AKAP10: variants seen among roughly 807,000 people sequenced by gnomAD.
The protein encoded by AKAP10 is A-kinase anchoring protein 10.
Under a neutral mutation model 80.8 loss-of-function variants are expected in AKAP10, and 24 were observed. That is an observed-to-expected ratio of 0.30 (90% CI 0.22 to 0.42). The LOEUF is 0.42. AKAP10 is among the 10% of genes least tolerant of loss of function. AKAP10 has a pLI of 1.00. For synonymous variants in AKAP10, 291 were observed against 277.7 expected (o/e 1.05, Z -0.48); for missense variants, 661 against 794.9 (o/e 0.83, Z 2.03).
At chr17:19,967,641 G>C (rs2043437172) in intron 2 of AKAP10, among the ~76,000 whole-genome samples, 1 of 152,220 alleles carries the variant, frequency 6.6e-6, no homozygotes, top group Non-Finnish European at 1.5e-5. Flanking sequence ...CCAGGACTTT[G>C]GGAGGCCAAG....
chr17:19,931,791 C>T lies in AKAP10; in HGVS notation c.1641+14G>A. ...ATGCTTTTCTCCCTAATGGCAGACG[C>T]AATCAGTCAATACCTGAGACGCAGA... On this transcript the variant is annotated intron_variant, in intron 10 of 14. Transcript: ENST00000225737. The T allele has an allele frequency of 6.2e-7, 1 of 1,605,508 alleles. No individual in the cohort carries two copies. Among genetic ancestry groups the T allele is most frequent in the Non-Finnish European group, 8.5e-7 (1 of 1,176,520 alleles).
intron 4 of AKAP10, among the ~76,000 whole-genome samples, chr17:19,951,603 C>G (rs2043214781): frequency 1.3e-5 from 2 of 151,994 alleles, no homozygotes; most frequent in Non-Finnish European, 2.9e-5. Context: ...ACCCCCAACC[C>G]CCTGCTCTCT....
intron 1 of AKAP10, among the ~76,000 whole-genome samples, chr17:19,977,341 G>C (rs927873476): frequency 2.0e-5 from 3 of 152,190 alleles, no homozygotes; most frequent in Admixed American, 2.0e-4. Context: ...AAACAGGCAG[G>C]AACTTCTATG....
At chr17:19,966,844 T>A (rs767491415) in intron 2 of AKAP10, among the ~76,000 whole-genome samples, 4 of 152,028 alleles carry the variant, frequency 2.6e-5, no homozygotes, top group African/African-American at 7.2e-5. Context: ...TCAGATCTAG[T>A]CTTTACAGGT....
chr17:19,958,842 C>CTTTTTTTTTTTTTTTTTTTTT (rs772496178), intron 3 of AKAP10, among the ~76,000 whole-genome samples: 1 of 92,936 alleles, frequency 1.1e-5, no homozygotes, highest in Admixed American at 1.1e-4. Flanking sequence ...CATGTAAATT[C>CTTTTTTTTTTTTTTTTTTTTT]TTTTTTTTTT....
chr17:19,957,829 A>ACTCCAGATATCC (rs59718652), intron 4 of AKAP10, among the ~76,000 whole-genome samples, 185 bp downstream of exon 4: 64,094 of 151,574 alleles, frequency 0.42, 14,273 homozygotes, highest in African/African-American at 0.57. Flanking sequence ...AGGTCCAGTC[A>ACTCCAGATATCC]CTCCTGCTCC....
At chr17:19,931,679 C>T in intron 10 of AKAP10, 126 bp downstream of exon 10, 1 of 1,177,206 alleles carries the variant, frequency 8.5e-7, no homozygotes, top group East Asian at 2.7e-5. Context: ...GCACAGGCCA[C>T]TGTGCCTGGC....
At position 19,969,430 on chromosome 17, in the gene AKAP10, T is replaced by C. The variant is rs75747538; in HGVS notation, c.89-969A>G. Among the ~76,000 whole-genome samples, 5 of 152,278 alleles carry C rather than the reference T, an allele frequency of 3.3e-5. No individual in the cohort carries two copies. In the East Asian group the frequency reaches 9.6e-4, roughly 29 times the overall value. On this transcript the variant is annotated intron_variant, in intron 1 of 14. Transcript: ENST00000225737. ...ACATAAAACAGTAAAAATTCTGCTGTAGATAAGCTAATATGACATCCAAGA... is the reference window on the plus strand; with the variant it reads ...ACATAAAACAGTAAAAATTCTGCTGCAGATAAGCTAATATGACATCCAAGA...
intron 11 of AKAP10, among the ~76,000 whole-genome samples, chr17:19,920,855 CAAAAAAAAAAAAAAAA>C (rs61148312): frequency 2.8e-5 from 1 of 35,324 alleles, no homozygotes; most frequent in Non-Finnish European, 4.7e-5. Flanking sequence ...GACTCTATCT[CAAAAAAAAAAAAAAAA>C]AAAAAAAAAA....
intron 1 of AKAP10, among the ~76,000 whole-genome samples, chr17:19,976,356 G>C (rs746058849): frequency 1.3e-5 from 2 of 151,812 alleles, no homozygotes; most frequent in Non-Finnish European, 2.9e-5. Context: ...GGTGGGGCAT[G>C]GGTAATCCCA....
At chr17:19,937,488 C>T (rs1404730513) in intron 8 of AKAP10, among the ~76,000 whole-genome samples, 1 of 151,804 alleles carries the variant, frequency 6.6e-6, no homozygotes, top group Admixed American at 6.6e-5. Context: ...GGTGACAGAG[C>T]AAGACTCCAT....
At chr17:19,930,178 C>T (rs934287118) in intron 10 of AKAP10, among the ~76,000 whole-genome samples, 1 of 151,788 alleles carries the variant, frequency 6.6e-6, no homozygotes, top group Non-Finnish European at 1.5e-5. Flanking sequence ...TATCCAAGGC[C>T]CAGTATTGAA....
intron 1 of AKAP10, among the ~76,000 whole-genome samples, chr17:19,975,451 T>G (rs2043552688): frequency 6.6e-6 from 1 of 152,208 alleles, no homozygotes; most frequent in Non-Finnish European, 1.5e-5. Context: ...TCTTGCCTCC[T>G]GGCCTTTGAA....
At chr17:19,933,877 A>C (rs938133735) in intron 9 of AKAP10, among the ~76,000 whole-genome samples, 4 of 152,216 alleles carry the variant, frequency 2.6e-5, no homozygotes, top group African/African-American at 9.6e-5. Context: ...GTTCATTAGA[A>C]GAATAAATCA....
At chr17:19,917,379 A>C (rs1162744435) in intron 12 of AKAP10, among the ~76,000 whole-genome samples, 1 of 152,216 alleles carries the variant, frequency 6.6e-6, no homozygotes, top group African/African-American at 2.4e-5. Flanking sequence ...GACACTGTAG[A>C]GTTCTTCCTG....
intron 4 of AKAP10, among the ~76,000 whole-genome samples, chr17:19,950,627 C>G (rs939573445): frequency 6.6e-6 from 1 of 152,266 alleles, no homozygotes; most frequent in African/African-American, 2.4e-5. Flanking sequence ...GTTGCCCAGG[C>G]TGGAGTGCAG....
chr17:19,957,916 AT>A (rs765682697), intron 4 of AKAP10, 97 bp downstream of exon 4: 52 of 1,314,732 alleles, frequency 4.0e-5, no homozygotes, highest in Middle Eastern at 2.4e-4. Context: ...GAGAAAAAAA[AT>A]ATTCCAATCA....
intron 14 of AKAP10, among the ~76,000 whole-genome samples, chr17:19,907,205 A>G (rs1242045144): frequency 2.6e-5 from 4 of 151,730 alleles, no homozygotes; most frequent in African/African-American, 9.7e-5. Context: ...TTTAGTAGAG[A>G]TGAGGTTTCT....
At chr17:19,976,079 C>A (rs111499464) in intron 1 of AKAP10, among the ~76,000 whole-genome samples, 2 of 152,306 alleles carry the variant, frequency 1.3e-5, no homozygotes, top group African/African-American at 4.8e-5. Context: ...TGGGAATCAT[C>A]TAATTCTCAG....
Sources: gnomAD v4.1 joint callset for allele counts (sites outside exome capture counted in the v4.1 genomes callset) on GRCh38, gnomAD v4.1.1 for gene constraint, MANE v1.5 for transcripts, NCBI Gene and HGNC (gene_info 2026-07-23, HGNC 2026-07-21) for gene names.